LARP4: variants seen among roughly 807,000 people sequenced by gnomAD.
LARP4 encodes La ribonucleoprotein 4, also known as la-related protein 4.
Under a neutral mutation model 92.9 loss-of-function variants are expected in LARP4, and 29 were observed. The ratio of observed to expected loss-of-function variants is 0.31; its 90% confidence interval spans 0.23 to 0.43. LARP4 has a LOEUF of 0.43. Among genes scored for constraint, LARP4 ranks in the 20% least tolerant of loss-of-function variants. The pLI, the probability that LARP4 is intolerant of heterozygous loss-of-function variation, is 1.00. For synonymous variants in LARP4, 279 were observed against 284.1 expected (o/e 0.98, Z 0.18); for missense variants, 732 against 860.0 (o/e 0.85, Z 1.86).
At chr12:50,402,323 C>T (rs1172733407) in intron 1 of LARP4, among the ~76,000 whole-genome samples, 1 of 151,932 alleles carries the variant, frequency 6.6e-6, no homozygotes, top group Non-Finnish European at 1.5e-5. Context: ...TGGAACATTC[C>T]GGGGAAATCA....
chr12:50,419,647 C>A (rs180830659), intron 1 of LARP4, among the ~76,000 whole-genome samples: 2 of 152,142 alleles, frequency 1.3e-5, no homozygotes, highest in East Asian at 3.9e-4. Flanking sequence ...TGAGTCATGC[C>A]TATAATCCCA....
intron 5 of LARP4, among the ~76,000 whole-genome samples, chr12:50,437,495 C>T (rs1950608128): frequency 6.6e-6 from 1 of 152,146 alleles, no homozygotes; most frequent in Non-Finnish European, 1.5e-5. Flanking sequence ...GCCAAACTTA[C>T]TCTGTTAAGT....
intron 13 of LARP4, among the ~76,000 whole-genome samples, chr12:50,468,238 A>G (rs909115020): frequency 1.3e-5 from 2 of 152,124 alleles, no homozygotes; most frequent in Admixed American, 6.6e-5. Context: ...TCGGCCTCCC[A>G]AAGTGCTGGA....
At chr12:50,463,445 A>G (rs1190167150) in intron 12 of LARP4, among the ~76,000 whole-genome samples, 4 of 150,290 alleles carry the variant, frequency 2.7e-5, no homozygotes, top group Non-Finnish European at 5.9e-5. Context: ...AAAAAAAAAA[A>G]AAATTAGCCA....
In LARP4 at chr12:50,427,880, TAGC is replaced by T. The variant is rs1410681464; in HGVS notation, c.141_143del (p.Ala48del). On this transcript the variant is annotated inframe_deletion, in exon 2 of 16. Coordinates refer to ENST00000398473, the MANE Select transcript of LARP4 (RefSeq NM_052879.5). ...GGAACTGAAAGCTCTTGGCATGAAA[TAGC>T]AGCTACATCAGGTGCTCATCCTGAG... 1.3e-6 allele frequency: 2 copies of T among 1,598,676 alleles called. No individual in the cohort carries two copies. The highest frequency in any genetic ancestry group is 2.2e-5 in the East Asian group (1 of 44,750).
intron 14 of LARP4, 120 bp from the exon 15 acceptor site, chr12:50,473,879 C>T (rs1318068213): frequency 4.0e-6 from 3 of 749,744 alleles, no homozygotes; most frequent in African/African-American, 3.5e-5. Flanking sequence ...CACTACACTC[C>T]AGCCTGGGTG....
At chr12:50,426,615 A>G (rs1027453435) in intron 1 of LARP4, among the ~76,000 whole-genome samples, 5 of 147,868 alleles carry the variant, frequency 3.4e-5, no homozygotes, top group African/African-American at 1.3e-4. Flanking sequence ...TACTTCCACC[A>G]TTTCAAGGCT....
At chr12:50,440,887 CTT>C (rs965808100) in intron 7 of LARP4, among the ~76,000 whole-genome samples, 25 of 143,176 alleles carry the variant, frequency 1.7e-4, no homozygotes, top group Non-Finnish European at 2.2e-4. Flanking sequence ...TGGTTTTATT[CTT>C]TTTTTTTTTT....
intron 1 of LARP4, among the ~76,000 whole-genome samples, chr12:50,406,854 G>T (rs985948806): frequency 2.7e-5 from 4 of 150,686 alleles, no homozygotes; most frequent in African/African-American, 4.9e-5. Context: ...GTATAGCTGG[G>T]ACTACAGACG....
intron 1 of LARP4, among the ~76,000 whole-genome samples, chr12:50,411,435 T>C (rs7295187): frequency 0.98 from 149,086 of 151,982 alleles, 73,183 homozygotes; most frequent in East Asian, 1. Context: ...CGGCAACCCC[T>C]GCCTCCCGGG....
chr12:50,430,233 A>C (rs1483952913), intron 3 of LARP4, among the ~76,000 whole-genome samples: 5 of 152,098 alleles, frequency 3.3e-5, no homozygotes, highest in African/African-American at 1.2e-4. Context: ...GTATCATGGC[A>C]CAAGTTTGTG....
intron 1 of LARP4, among the ~76,000 whole-genome samples, chr12:50,411,174 T>C (rs993596425): frequency 1.3e-5 from 2 of 150,190 alleles, no homozygotes; most frequent in African/African-American, 4.9e-5. Context: ...TTTATCAAGA[T>C]CCCTAGTTGA....
Position 50,448,205 on chromosome 12 carries a change from A to G in LARP4, c.805-5255A>G, listed in dbSNP as rs762313994. ...AAAATTTTGGCAAAATGGACATACA[A>G]TATACCATCTTAATTGTTCTTATTT... On this transcript the variant is annotated intron_variant, in intron 8 of 15. Transcript: ENST00000398473. Among the ~76,000 whole-genome samples the G allele has an allele frequency of 2.6e-5, 4 of 152,118 alleles. No individual in the cohort carries two copies. In the East Asian group the frequency reaches 5.8e-4, roughly 22 times the overall value.
intron 2 of LARP4, 34 bp downstream of exon 2, chr12:50,427,943 G>C: frequency 7.3e-7 from 1 of 1,373,544 alleles, no homozygotes; most frequent in Non-Finnish European, 9.8e-7. Flanking sequence ...AAAAATCACA[G>C]TTTGGTTAAA....
At chr12:50,411,770 C>T (rs904524379) in intron 1 of LARP4, among the ~76,000 whole-genome samples, 1 of 152,018 alleles carries the variant, frequency 6.6e-6, no homozygotes, top group Non-Finnish European at 1.5e-5. Context: ...AGCCTCTGCC[C>T]CCCGAGTTCA....
chr12:50,421,881 C>T (rs888006106), intron 1 of LARP4, among the ~76,000 whole-genome samples: 3 of 151,760 alleles, frequency 2.0e-5, no homozygotes, highest in African/African-American at 7.3e-5. Context: ...CATATTTCAT[C>T]TTTCTATGTC....
In LARP4 at chr12:50,400,929, C is replaced by G. The variant is rs552714912; in HGVS notation, c.-82C>G. ...TGGAGGGGCAAGGCGAGTGTGTGTC[C>G]TTATCCTAGCAATTGGGGCGCGGGC... On this transcript the variant is annotated 5_prime_UTR_variant, in exon 1 of 16. Transcript: ENST00000398473. The G allele has an allele frequency of 1.3e-6, 2 of 1,591,820 alleles. No individual in the cohort carries two copies. The highest frequency in any genetic ancestry group is 2.2e-5 in the East Asian group (1 of 44,790).
At chr12:50,401,153 C>T (rs1592659445) in intron 1 of LARP4, 125 bp downstream of exon 1, 1 of 1,093,066 alleles carries the variant, frequency 9.1e-7, no homozygotes, top group Non-Finnish European at 1.4e-6. Flanking sequence ...TAGGCTGACA[C>T]AGCACCTGGG....
chr12:50,461,276 G>A lies in LARP4; in HGVS notation c.1263G>A (p.Gln421=). The change falls in exon 11 of 16, where the codon CAG becomes CAA. Residue 421 remains glutamine, a synonymous_variant. Transcript: ENST00000398473. Reference sequence around the variant, plus strand: ...ATAACCCCACAGTAACTGGGCATCAGGAGCAAACTTACCTTCAGAAGGAGA... The same window carrying A: ...ATAACCCCACAGTAACTGGGCATCAAGAGCAAACTTACCTTCAGAAGGAGA... ...ERHNPTVTGH[Q]EQTYLQKETS... 6.2e-7 allele frequency: 1 copy of A among 1,614,042 alleles called. No individual in the cohort carries two copies. The highest frequency in any genetic ancestry group is 1.7e-5 in the Admixed American group (1 of 59,986).
Sources: allele counts gnomAD v4.1 joint callset (sites outside exome capture counted in the v4.1 genomes callset), GRCh38; gene constraint gnomAD v4.1.1; transcripts MANE v1.5; gene names NCBI Gene and HGNC (gene_info 2026-07-23, HGNC 2026-07-21).